The following WDFY4 variants were observed in gnomAD, a reference collection of about 807,000 sequenced individuals.
WDFY4 encodes the protein WD repeat- and FYVE domain-containing protein 4.
A neutral mutation model predicts 351.9 loss-of-function variants in WDFY4; 169 were observed. The observed-to-expected ratio is 0.48, with a 90% CI of 0.42 to 0.55. The LOEUF (loss-of-function observed/expected upper bound fraction) is 0.55, where lower values mean the gene tolerates loss of function less well. Ranked by LOEUF, WDFY4 falls within the 20% of genes least tolerant of loss-of-function variation. The probability of loss-of-function intolerance (pLI) is 0.00; values close to 1 mark genes in which losing one functional copy is unlikely to be tolerated. For synonymous variants in WDFY4, 1,622 were observed against 1,574.6 expected, an observed-to-expected ratio of 1.03 and a Z score of -0.71; for missense variants, 3,803 against 3,935.6, an observed-to-expected ratio of 0.97 and a Z score of 0.90.
chr10:48,909,975 G>A (rs1309521246), intron 47 of WDFY4: 1 of 513,640 alleles, frequency 1.9e-6, no homozygotes, highest in Admixed American at 3.2e-5. Context: ...TATATAATCT[G>A]TAATTTTCTT....
chr10:48,797,628 A>G (rs1272291666), intron 24 of WDFY4, among the ~76,000 whole-genome samples: 2 of 152,196 alleles, frequency 1.3e-5, no homozygotes, highest in Non-Finnish European at 2.9e-5. Flanking sequence ...TGAGATCAGA[A>G]TAATATTCTG....
rs1204383872 is a variant in WDFY4 at position 48,745,626 on chromosome 10, TTTC to T, written c.2459+2086_2459+2088del. On this transcript the variant is annotated intron_variant, in intron 12 of 61. Coordinates refer to ENST00000325239, the MANE Select transcript of WDFY4 (RefSeq NM_001394531.1). ...CCTGTTTCTGCAGCCTTATGAGCTA[TTTC>T]TTCTTCTGGTAGTGGGTCTCGGCCT... 5.4e-6 allele frequency: 3 copies of T among 552,328 alleles called. No individual in the cohort carries two copies. The Admixed American group carries it at 7.1e-5, about 13-fold the overall frequency. The allele number at this position is 552,328 out of a possible 1,614,324, so 34.2% of individuals were successfully genotyped here. A position where few individuals can be genotyped will look rare whatever the true frequency, so the allele number is the denominator to read the frequency against.
intron 39 of WDFY4, among the ~76,000 whole-genome samples, chr10:48,854,604 A>G (rs2069073758): frequency 6.6e-6 from 1 of 152,208 alleles, no homozygotes; most frequent in Non-Finnish European, 1.5e-5. Context: ...AGTTTCAGAA[A>G]GATTGAGTGA....
chr10:48,977,998 A>AAT (rs1842649014), intron 59 of WDFY4, among the ~76,000 whole-genome samples: 1 of 152,140 alleles, frequency 6.6e-6, no homozygotes, highest in Non-Finnish European at 1.5e-5. Context: ...GGTTGAGCAA[A>AAT]ATGGCAATAA....
intron 18 of WDFY4, among the ~76,000 whole-genome samples, chr10:48,779,704 A>C (rs1421250469): frequency 1.3e-5 from 2 of 152,222 alleles, no homozygotes; most frequent in Non-Finnish European, 2.9e-5. Context: ...CCTACCTCAC[A>C]GGGCTGTGAA....
At chr10:48,784,350 T>A (rs2066324511) in intron 19 of WDFY4, among the ~76,000 whole-genome samples, 1 of 152,172 alleles carries the variant, frequency 6.6e-6, no homozygotes, top group Admixed American at 6.5e-5. Context: ...GCATTGTCAC[T>A]ATTTTTATAT....
intron 43 of WDFY4, among the ~76,000 whole-genome samples, chr10:48,890,079 A>G (rs2070629375): frequency 2.0e-5 from 3 of 152,220 alleles, no homozygotes; most frequent in Non-Finnish European, 4.4e-5. Context: ...TCTTCTGCAC[A>G]TGTTTCCTTG....
chr10:48,820,377 G>A lies in WDFY4; in HGVS notation c.5649G>A (p.Arg1883=), dbSNP rs1454989290. ...GGGAGTTCACGCAGCTCCTCTTGAG[G>A]GAGCTCCTGCTTGGAGCCTCCAGCC... ...KLREFTQLLL[R]ELLLGASSPK... Residue 1883 remains arginine, a synonymous_variant, in exon 33 of 62, where the codon AGG becomes AGA. Transcript: ENST00000325239. 1.6e-5 allele frequency: 25 copies of A among 1,551,474 alleles called. No homozygotes were observed. The East Asian group carries it at 5.9e-4, about 36-fold the overall frequency.
At position 48,790,757 on chromosome 10, in the gene WDFY4, C is replaced by T; in HGVS notation, c.4097C>T (p.Ala1366Val). 6.4e-7 allele frequency: 1 copy of T among 1,551,880 alleles called. No individual in the cohort carries two copies. Among genetic ancestry groups the T allele is most frequent in the Non-Finnish European group, 8.7e-7 (1 of 1,147,024 alleles). The change falls in exon 23 of 62, where the codon GCC becomes GTC. Residue 1366 changes from alanine (A) to valine (V), a missense_variant. Physicochemically the swap from Ala to Val is moderately conservative, Grantham distance 64. This residue lies in a region of WDFY4 where 3,054 missense variants were observed against 3,148.6 expected (regional missense o/e 0.97). Coordinates refer to ENST00000325239, the MANE Select transcript of WDFY4 (RefSeq NM_001394531.1). Reference sequence around the variant, plus strand: ...AGGGTATTCCACTCCAGCCCTGCTGCCAGCAGCCTGGACTTCATTGGCGGG... The same window carrying T: ...AGGGTATTCCACTCCAGCCCTGCTGTCAGCAGCCTGGACTTCATTGGCGGG... ...GVRVFHSSPAASSLDFIGGPA... is the reference protein window; with the variant it reads ...GVRVFHSSPAVSSLDFIGGPA...
chr10:48,877,878 C>T (rs924486586), intron 43 of WDFY4: 1 of 152,336 alleles, frequency 6.6e-6, no homozygotes, highest in African/African-American at 2.4e-5. Flanking sequence ...GAGAAGGACC[C>T]CTCTTCCCCA....
chr10:48,776,296 G>A (rs1304757807), intron 15 of WDFY4, among the ~76,000 whole-genome samples: 1 of 152,200 alleles, frequency 6.6e-6, no homozygotes, highest in Admixed American at 6.5e-5. Flanking sequence ...AAGACCTCAA[G>A]GAAACAGGCA....
intron 47 of WDFY4, among the ~76,000 whole-genome samples, chr10:48,917,993 A>C (rs923020830): frequency 1.3e-5 from 2 of 152,238 alleles, no homozygotes; most frequent in Non-Finnish European, 2.9e-5. Context: ...AGGGTTTTAC[A>C]CTGCTTTTGA....
At chr10:48,881,862 G>T (rs1012196106) in intron 43 of WDFY4, among the ~76,000 whole-genome samples, 1 of 152,142 alleles carries the variant, frequency 6.6e-6, no homozygotes, top group African/African-American at 2.4e-5. Flanking sequence ...ACCTGTCCTG[G>T]TGCGCCCATC....
intron 51 of WDFY4, among the ~76,000 whole-genome samples, chr10:48,949,064 A>G (rs1841193588): frequency 6.6e-6 from 1 of 152,174 alleles, no homozygotes; most frequent in African/African-American, 2.4e-5. Flanking sequence ...GAGGGTCACA[A>G]CCAATTGTCC....
At chr10:48,899,777 G>T (rs372325027) in intron 45 of WDFY4, among the ~76,000 whole-genome samples, 1 of 152,102 alleles carries the variant, frequency 6.6e-6, no homozygotes, top group East Asian at 1.9e-4. Flanking sequence ...AAATGGCCTC[G>T]GCAGGGGACC....
intron 47 of WDFY4, among the ~76,000 whole-genome samples, chr10:48,938,041 C>T (rs999086118): frequency 2.0e-5 from 3 of 152,256 alleles, no homozygotes; most frequent in African/African-American, 4.8e-5. Flanking sequence ...ATAGCCCACA[C>T]GCATCAGCAG....
chr10:48,875,150 T>A lies in WDFY4; in HGVS notation c.7000+10T>A. On this transcript the variant is annotated intron_variant, in intron 42 of 61. Coordinates refer to ENST00000325239, the MANE Select transcript of WDFY4 (RefSeq NM_001394531.1). ...AATGCTGAAAACCAAGGTATTCAGT[T>A]TATCTATTTTTTCCTTTAATAGTTA... is the stretch of plus-strand genomic sequence containing the variant. The A allele has an allele frequency of 7.0e-7, 1 of 1,420,016 alleles. No individual in the cohort carries two copies. Among genetic ancestry groups the A allele is most frequent in the Non-Finnish European group, 9.3e-7 (1 of 1,076,352 alleles). 88.0% of individuals were successfully genotyped at this position (1,420,016 alleles called of 1,614,324 possible).
chr10:48,900,138 A>T (rs1837282503), intron 45 of WDFY4, 83 bp from the exon 46 acceptor site: 1 of 1,230,434 alleles, frequency 8.1e-7, no homozygotes, highest in Non-Finnish European at 1.1e-6. Context: ...ACCCGCAATG[A>T]CCCATTTCCA....
chr10:48,843,527 AAAAT>A (rs928628154), intron 39 of WDFY4, among the ~76,000 whole-genome samples: 8 of 152,206 alleles, frequency 5.3e-5, no homozygotes, highest in African/African-American at 1.9e-4. Context: ...ATGACATCCA[AAAAT>A]AAATAAATAA....
Sources: gnomAD v4.1 joint callset for allele counts (sites outside exome capture counted in the v4.1 genomes callset) on GRCh38, gnomAD v4.1.1 for gene constraint, gnomAD v4.1.1 regional missense constraint, MANE v1.5 for transcripts, NCBI Gene and HGNC (gene_info 2026-07-23, HGNC 2026-07-21) for gene names.